Variants in RASA3 observed in about 807,000 individuals in gnomAD.
The protein encoded by RASA3 is ras GTPase-activating protein 3.
Under a neutral mutation model 110.0 loss-of-function variants are expected in RASA3, and 73 were observed. The ratio of observed to expected loss-of-function variants is 0.66; its 90% CI spans 0.55 to 0.81. The LOEUF is 0.81. Among genes scored for constraint, RASA3 ranks in the 30% least tolerant of loss-of-function variants. RASA3 has a pLI of 0.00. For synonymous variants in RASA3, 500 were observed against 451.4 expected, an observed-to-expected ratio of 1.11 and a Z score of -1.37; for missense variants, 976 against 1,113.2, an observed-to-expected ratio of 0.88 and a Z score of 1.75.
chr13:113,997,979 G>A (rs2053294355), intron 20 of RASA3, among the ~76,000 whole-genome samples: 1 of 152,194 alleles, frequency 6.6e-6, no homozygotes, highest in South Asian at 2.1e-4. Flanking sequence ...TCCCAGGCTC[G>A]GCCCTGCCAC....
At chr13:114,055,844 A>G (rs2079236066) in intron 2 of RASA3, among the ~76,000 whole-genome samples, 1 of 152,198 alleles carries the variant, frequency 6.6e-6, no homozygotes, top group Non-Finnish European at 1.5e-5. Flanking sequence ...TCACACAAGA[A>G]GCCCAGCGGG....
intron 2 of RASA3, among the ~76,000 whole-genome samples, chr13:114,067,045 T>G (rs1376355524): frequency 2.5e-5 from 3 of 119,220 alleles, no homozygotes; most frequent in East Asian, 2.6e-4. Flanking sequence ...GGCTGAGGAC[T>G]GGCCCCCTGA....
intron 1 of RASA3, among the ~76,000 whole-genome samples, chr13:114,083,561 A>G (rs1357579030): frequency 2.1e-5 from 3 of 141,200 alleles, no homozygotes; most frequent in African/African-American, 7.6e-5. Flanking sequence ...ATCACGGGGA[A>G]GTGGTGAGTC....
At chr13:114,104,694 C>G (rs1269740356) in intron 1 of RASA3, among the ~76,000 whole-genome samples, 1 of 152,176 alleles carries the variant, frequency 6.6e-6, no homozygotes, top group Non-Finnish European at 1.5e-5. Flanking sequence ...GAGAAAATAG[C>G]AAATCGAAAC....
chr13:114,119,255 T>C (rs891848519), intron 1 of RASA3, among the ~76,000 whole-genome samples: 1 of 152,246 alleles, frequency 6.6e-6, no homozygotes, highest in African/African-American at 2.4e-5. Flanking sequence ...AGCATTTCCA[T>C]AAACACATTC....
chr13:114,032,782 CTGACACCACGCCCCACGGCACCCCCACA>C (rs2054195487), intron 4 of RASA3, among the ~76,000 whole-genome samples: 1 of 84,388 alleles, frequency 1.2e-5, no homozygotes, highest in Non-Finnish European at 2.3e-5. Flanking sequence ...CACCCCCACA[CTGACACCACGCCCCACGGCACCCCCACA>C]CTGACACCAC....
At position 114,013,191 on chromosome 13, in the gene RASA3, G is replaced by C; in HGVS notation, c.1463C>G (p.Ala488Gly). 1 of 1,613,220 alleles carries C rather than the reference G, an allele frequency of 6.2e-7. No individual in the cohort carries two copies. The highest frequency in any genetic ancestry group is 8.5e-7 in the Non-Finnish European group (1 of 1,179,676). Residue 488 changes from alanine to glycine, a missense_variant, in exon 15 of 24, where the codon GCG becomes GGG. Ala to Gly is a moderately conservative substitution (Grantham distance 60). This residue lies in a region of RASA3 where 732 missense variants were observed against 779.7 expected (regional missense o/e 0.94). Coordinates refer to ENST00000334062, the MANE Select transcript of RASA3 (RefSeq NM_007368.4). ...GAGGTTGGGGGAGAGAATGGCGGGC[G>C]CAAAGAACCTCAGGAAGATGAAGCT... ...VSSFIFLRFF[A>G]PAILSPNLFQ...
chr13:114,035,874 T>A (rs773405335), intron 4 of RASA3: 4 of 152,270 alleles, frequency 2.6e-5, no homozygotes, highest in Non-Finnish European at 5.9e-5. Context: ...CCAAGAGGAC[T>A]GTCTGCTGCA....
chr13:114,078,130 C>T (rs974472972), intron 1 of RASA3, among the ~76,000 whole-genome samples: 3 of 152,208 alleles, frequency 2.0e-5, no homozygotes, highest in South Asian at 2.1e-4. Flanking sequence ...GGCCTGGCCA[C>T]GTCGCCCCGG....
intron 7 of RASA3, among the ~76,000 whole-genome samples, chr13:114,024,747 T>C (rs955643958): frequency 2.6e-5 from 4 of 152,184 alleles, no homozygotes; most frequent in African/African-American, 9.6e-5. Flanking sequence ...CGCCCTCCCG[T>C]GGCCCCACCT....
chr13:114,011,617 A>C lies in RASA3; in HGVS notation c.1513-369T>G, dbSNP rs1312590278. Among the ~76,000 whole-genome samples the C allele has an allele frequency of 6.6e-6, 1 of 152,000 alleles. No homozygotes were observed. The highest frequency in any genetic ancestry group is 1.5e-5 in the Non-Finnish European group (1 of 67,982). ...CTCATCTCAGCCTTCACAGGGTTTG[A>C]AGGTTCAACTCAGAAGTGCTGGGGG... is the stretch of plus-strand genomic sequence containing the variant. On this transcript the variant is annotated intron_variant, in intron 15 of 23. Coordinates refer to ENST00000334062, the MANE Select transcript of RASA3 (RefSeq NM_007368.4). This position sits in a 1 kb window ranked among gnomAD's most constrained non-coding sequence, Gnocchi z 4.8.
At chr13:113,998,564 C>T (rs1347437169) in intron 20 of RASA3, among the ~76,000 whole-genome samples, 6 of 152,138 alleles carry the variant, frequency 3.9e-5, no homozygotes, top group Admixed American at 2.0e-4. Flanking sequence ...GCACGGACGG[C>T]GGGGTCACTG....
chr13:114,129,709 A>G (rs1386886383), intron 1 of RASA3, among the ~76,000 whole-genome samples: 2 of 152,214 alleles, frequency 1.3e-5, no homozygotes, highest in Non-Finnish European at 2.9e-5. Flanking sequence ...AACCCTGAAC[A>G]ACACTGCCTT....
chr13:114,124,892 C>G (rs985897942), intron 1 of RASA3, among the ~76,000 whole-genome samples: 2 of 152,306 alleles, frequency 1.3e-5, no homozygotes, highest in African/African-American at 2.4e-5. Flanking sequence ...ACTCACCCAC[C>G]GTATACATAG....
chr13:114,080,989 G>A (rs183036048), intron 1 of RASA3, among the ~76,000 whole-genome samples: 2,625 of 116,076 alleles, frequency 0.023, no homozygotes, highest in South Asian at 0.03. Flanking sequence ...AGTGCCCCTC[G>A]GCAGAGGGCC....
At chr13:114,132,323 G>T in intron 1 of RASA3, 112 bp downstream of exon 1, 2 of 1,161,340 alleles carry the variant, frequency 1.7e-6, no homozygotes, top group Non-Finnish European at 2.2e-6. Context: ...CGCCGCGCCT[G>T]GAGGGCGTCT....
At chr13:114,076,293 G>A (rs976541692) in intron 1 of RASA3, among the ~76,000 whole-genome samples, 3 of 152,224 alleles carry the variant, frequency 2.0e-5, no homozygotes, top group Non-Finnish European at 4.4e-5. Flanking sequence ...GAAAAAATGA[G>A]TATTTCCTGA....
chr13:114,041,781 C>T (rs140939758), intron 3 of RASA3, among the ~76,000 whole-genome samples: 43 of 152,348 alleles, frequency 2.8e-4, no homozygotes, highest in African/African-American at 8.9e-4. Flanking sequence ...CCTTCCCACG[C>T]GACGTGGGTT....
At chr13:114,089,667 G>A (rs967392754) in intron 1 of RASA3, among the ~76,000 whole-genome samples, 1 of 152,190 alleles carries the variant, frequency 6.6e-6, no homozygotes, top group Non-Finnish European at 1.5e-5. Flanking sequence ...AGGTGTTCAC[G>A]GCACGTGTGT....
Sources: allele counts gnomAD v4.1 joint callset (sites outside exome capture counted in the v4.1 genomes callset), GRCh38; gene constraint gnomAD v4.1.1; regional missense constraint gnomAD v4.1.1; non-coding constraint Gnocchi (gnomAD v3.1); transcripts MANE v1.5; gene names NCBI Gene and HGNC (gene_info 2026-07-23, HGNC 2026-07-21).